The following MAN2A1 variants were observed in gnomAD, a reference collection of about 807,000 sequenced individuals.
MAN2A1 encodes the protein alpha-mannosidase 2.
In MAN2A1, 76 loss-of-function variants were observed where a neutral mutation model predicts 142.6. The observed-to-expected ratio is 0.53, with a 90% confidence interval of 0.44 to 0.65. MAN2A1 has a LOEUF of 0.65. Among genes scored for constraint, MAN2A1 ranks in the 30% least tolerant of loss-of-function variants. MAN2A1 has a pLI of 0.00. For synonymous variants in MAN2A1, 559 were observed against 473.2 expected, an observed-to-expected ratio of 1.18 and a Z score of -2.35; for missense variants, 1,311 against 1,365.1, an observed-to-expected ratio of 0.96 and a Z score of 0.62.
chr5:109,696,964 G>GA (rs1358797631), intron 1 of MAN2A1, among the ~76,000 whole-genome samples: 1 of 152,104 alleles, frequency 6.6e-6, no homozygotes, highest in Non-Finnish European at 1.5e-5. Flanking sequence ...TAAGTTGAAG[G>GA]AAAAAATGGA....
chr5:109,788,798 G>T (rs1435609195), intron 10 of MAN2A1, 136 bp from the exon 11 acceptor site: 2 of 578,760 alleles, frequency 3.5e-6, no homozygotes, highest in African/African-American at 3.8e-5. Context: ...GAGCAGGTTT[G>T]TCATAGATTC....
intron 4 of MAN2A1, among the ~76,000 whole-genome samples, chr5:109,741,555 T>C (rs1752268005): frequency 6.6e-6 from 1 of 152,204 alleles, no homozygotes; most frequent in African/African-American, 2.4e-5. Flanking sequence ...GTACCTAAAT[T>C]TGCAAGCTAG....
At chr5:109,746,522 G>GCAT (rs1752409397) in intron 4 of MAN2A1, among the ~76,000 whole-genome samples, 1 of 150,738 alleles carries the variant, frequency 6.6e-6, no homozygotes, top group Non-Finnish European at 1.5e-5. Context: ...GTACATAAAG[G>GCAT]CATAGGCATA....
chr5:109,811,275 T>C (rs1003206803), intron 12 of MAN2A1, among the ~76,000 whole-genome samples: 1 of 152,164 alleles, frequency 6.6e-6, no homozygotes, highest in Non-Finnish European at 1.5e-5. Flanking sequence ...ATGTATATTA[T>C]AGAATTGTTT....
chr5:109,758,600 TA>T (rs1450469381), intron 5 of MAN2A1, among the ~76,000 whole-genome samples: 1 of 150,784 alleles, frequency 6.6e-6, no homozygotes. Context: ...AAAGATGTAC[TA>T]CTGTCTTTAA....
At chr5:109,833,403 TC>T (rs1353953934) in intron 16 of MAN2A1, among the ~76,000 whole-genome samples, 5 of 152,046 alleles carry the variant, frequency 3.3e-5, no homozygotes. Flanking sequence ...TGAGCGAGAC[TC>T]CATCTGCAAT....
At position 109,847,622 on chromosome 5, in the gene MAN2A1, G is replaced by T. The variant is rs775097298; in HGVS notation, c.2843-35G>T. On this transcript the variant is annotated intron_variant, in intron 18 of 21. Transcript: ENST00000261483. ...ATGAATGTCAGTATTAAATTATTCT[G>T]GTCAGTTTTGCTTGTTTGTTTGTTT... The T allele has an allele frequency of 1.4e-6, 2 of 1,454,552 alleles. No homozygotes were observed. The highest frequency in any genetic ancestry group is 3.0e-5 in the South Asian group (2 of 67,482). The allele number at this position is 1,454,552 out of a possible 1,614,324, so 90.1% of individuals were successfully genotyped here. A position where few individuals can be genotyped will look rare whatever the true frequency, so the allele number is the denominator to read the frequency against.
At chr5:109,767,132 T>G (rs1466302471) in intron 5 of MAN2A1, among the ~76,000 whole-genome samples, 1 of 152,192 alleles carries the variant, frequency 6.6e-6, no homozygotes, top group Non-Finnish European at 1.5e-5. Flanking sequence ...GGTACGTTAC[T>G]TTTCTTTATC....
chr5:109,737,007 A>G (rs1196622860), intron 4 of MAN2A1, among the ~76,000 whole-genome samples: 2 of 150,986 alleles, frequency 1.3e-5, no homozygotes, highest in Non-Finnish European at 2.9e-5. Context: ...ATAATTTTCA[A>G]TTTGCAAGTG....
chr5:109,765,158 C>T (rs538529179), intron 5 of MAN2A1, among the ~76,000 whole-genome samples: 21 of 152,076 alleles, frequency 1.4e-4, no homozygotes, highest in Non-Finnish European at 2.5e-4. Context: ...TTATAAAAGC[C>T]GCTTTTCCCC....
At chr5:109,806,783 A>G (rs1447461162) in intron 12 of MAN2A1, among the ~76,000 whole-genome samples, 1 of 152,176 alleles carries the variant, frequency 6.6e-6, no homozygotes, top group African/African-American at 2.4e-5. Context: ...GGACAACTTT[A>G]TATTTGCATT....
In MAN2A1 at chr5:109,865,163, A is replaced by C. The variant is rs1469063533; in HGVS notation, c.3282+17A>C. The C allele has an allele frequency of 6.4e-7, 1 of 1,568,008 alleles. No homozygotes were observed. Among genetic ancestry groups the C allele is most frequent in the African/African-American group, 1.3e-5 (1 of 74,088 alleles). On this transcript the variant is annotated intron_variant, in intron 21 of 21. Coordinates refer to ENST00000261483, the MANE Select transcript of MAN2A1 (RefSeq NM_002372.4). Reference sequence around the variant, plus strand: ...CAGGGAAAGGTAAGTTGAAAAGGTTATTTTTGCTTACTGTTAGTGTGCTTT... The same window carrying C: ...CAGGGAAAGGTAAGTTGAAAAGGTTCTTTTTGCTTACTGTTAGTGTGCTTT...
chr5:109,808,633 C>T (rs1754235614), intron 12 of MAN2A1, among the ~76,000 whole-genome samples: 4 of 151,202 alleles, frequency 2.6e-5, no homozygotes, highest in Admixed American at 2.6e-4. Flanking sequence ...TAGATATTTA[C>T]ATTGCTTAGC....
At chr5:109,844,387 G>A (rs1755294518) in intron 17 of MAN2A1, among the ~76,000 whole-genome samples, 1 of 152,058 alleles carries the variant, frequency 6.6e-6, no homozygotes, top group Non-Finnish European at 1.5e-5. Context: ...ACACGATTGT[G>A]GTAGTTTTAC....
At chr5:109,744,535 A>G (rs934592056) in intron 4 of MAN2A1, among the ~76,000 whole-genome samples, 6 of 152,148 alleles carry the variant, frequency 3.9e-5, no homozygotes, top group Admixed American at 2.6e-4. Flanking sequence ...AATCTTGGCC[A>G]TCAGGGAGAT....
intron 15 of MAN2A1, among the ~76,000 whole-genome samples, chr5:109,821,888 A>C (rs1754632131): frequency 1.3e-5 from 2 of 151,546 alleles, no homozygotes; most frequent in Admixed American, 1.3e-4. Flanking sequence ...AGTGGTTTTA[A>C]ATTTTTGTGT....
At chr5:109,852,684 A>G (rs1424582637) in intron 19 of MAN2A1, among the ~76,000 whole-genome samples, 1 of 152,196 alleles carries the variant, frequency 6.6e-6, no homozygotes, top group Non-Finnish European at 1.5e-5. Context: ...ACCAACAAGA[A>G]ATTAAATAAG....
intron 1 of MAN2A1, among the ~76,000 whole-genome samples, chr5:109,694,644 C>T (rs1750762069): frequency 6.7e-6 from 1 of 148,240 alleles, no homozygotes; most frequent in African/African-American, 2.5e-5. Context: ...TCACTGCTCC[C>T]AGTTGCCTTT....
At chr5:109,731,028 C>T (rs188920894) in intron 4 of MAN2A1, among the ~76,000 whole-genome samples, 2 of 152,114 alleles carry the variant, frequency 1.3e-5, no homozygotes, top group Admixed American at 6.5e-5. Context: ...TAATATACTT[C>T]GTTAACTGAC....
Sources: allele counts gnomAD v4.1 joint callset (sites outside exome capture counted in the v4.1 genomes callset), GRCh38; gene constraint gnomAD v4.1.1; transcripts MANE v1.5; gene names NCBI Gene and HGNC (gene_info 2026-07-23, HGNC 2026-07-21).